Variants in CWC27 observed in about 807,000 individuals in gnomAD.
CWC27 encodes the protein spliceosome-associated protein CWC27 homolog.
In CWC27, 47 loss-of-function variants were observed where a neutral mutation model predicts 63.6. That is an observed-to-expected ratio of 0.74 (90% CI 0.58 to 0.94). The LOEUF (loss-of-function observed/expected upper bound fraction) is 0.94. Ranked by LOEUF, CWC27 falls within the 40% of genes least tolerant of loss-of-function variation. The pLI is 0.00. For synonymous variants in CWC27, 175 were observed against 179.8 expected (o/e 0.97, Z 0.22); for missense variants, 495 against 554.3 (o/e 0.89, Z 1.07).
At chr5:64,836,027 ATAAAG>A (rs1427016257) in intron 10 of CWC27, among the ~76,000 whole-genome samples, 1 of 151,902 alleles carries the variant, frequency 6.6e-6, no homozygotes, top group African/African-American at 2.4e-5. Flanking sequence ...TAATGAAGCA[ATAAAG>A]TAGTTTATAA....
At chr5:64,909,586 C>CATGTGAAAAGACT (rs1747741437) in intron 11 of CWC27, among the ~76,000 whole-genome samples, 1 of 152,160 alleles carries the variant, frequency 6.6e-6, no homozygotes, top group Non-Finnish European at 1.5e-5. Flanking sequence ...AAACGTACAG[C>CATGTGAAAAGACT]ATGGTCTTTT....
chr5:64,804,391 G>A lies in CWC27; in HGVS notation c.938+5G>A. On this transcript the variant is annotated splice_donor_5th_base_variant and intron_variant, in intron 10 of 13. Transcript: ENST00000381070. The stretch of plus-strand genomic sequence containing the variant: ...GAAGAAATCAGTCAGCCGCAGGTGA[G>A]TCAGTTACTGTGCTAGATATCAGAG... The A allele has an allele frequency of 6.2e-7, 1 of 1,606,550 alleles. No individual in the cohort carries two copies. The highest frequency in any genetic ancestry group is 8.5e-7 in the Non-Finnish European group (1 of 1,176,980).
In CWC27 at chr5:64,977,174, C is replaced by A; in HGVS notation, c.1192C>A (p.Gln398Lys). 1 of 1,612,556 alleles carries A rather than the reference C, an allele frequency of 6.2e-7. No individual in the cohort carries two copies. The highest frequency in any genetic ancestry group is 8.5e-7 in the Non-Finnish European group (1 of 1,179,138). Residue 398 changes from glutamine (Q) to lysine (K), a missense_variant, in exon 13 of 14, where the codon CAA becomes AAA. Gln to Lys is a moderately conservative substitution (Grantham distance 53, BLOSUM62 1). Coordinates refer to ENST00000381070, the MANE Select transcript of CWC27 (RefSeq NM_005869.4). The part of the protein sequence containing the change: ...LLNQFKSKLT[Q>K]AIAETPENDI... ...GAACCAGTTTAAATCTAAACTCACT[C>A]AAGCAATTGCTGAAACGCCTGAAAA... is the stretch of plus-strand genomic sequence containing the variant.
chr5:64,812,421 G>A (rs537055372), intron 10 of CWC27, among the ~76,000 whole-genome samples: 6 of 152,224 alleles, frequency 3.9e-5, no homozygotes, highest in African/African-American at 1.4e-4. Context: ...TTGGACTGAA[G>A]CAGACAGTAA....
At chr5:64,825,350 C>CTAGG (rs1426035160) in intron 10 of CWC27, among the ~76,000 whole-genome samples, 1 of 152,108 alleles carries the variant, frequency 6.6e-6, no homozygotes, top group East Asian at 1.9e-4. Context: ...AAGGGTGCAT[C>CTAGG]TAGGTCTCAA....
intron 13 of CWC27, among the ~76,000 whole-genome samples, chr5:65,004,892 A>G (rs1243549249): frequency 2.6e-5 from 2 of 77,496 alleles, no homozygotes; most frequent in Non-Finnish European, 5.3e-5. Flanking sequence ...ATATATATAT[A>G]TATATATATA....
intron 11 of CWC27, among the ~76,000 whole-genome samples, chr5:64,947,620 T>G (rs1010849916): frequency 6.6e-6 from 1 of 152,124 alleles, no homozygotes; most frequent in African/African-American, 2.4e-5. Flanking sequence ...TTAACAGAAT[T>G]GGATAAGCTT....
In CWC27 at chr5:64,971,784, C is replaced by A; in HGVS notation, c.1124C>A (p.Ser375Ter). ...QKYEALRKQQ[S>*]KKGTSREDQT... The stretch of plus-strand genomic sequence containing the variant: ...TATGAAGCTTTGAGGAAGCAACAGT[C>A]AAAGAAGGGAACTTCCCGGGAAGAT... Residue 375 changes from serine (S) to a stop codon, truncating the protein, a stop_gained, in exon 12 of 14, where the codon TCA (serine) becomes TAA (stop). Transcript: ENST00000381070. LOFTEE classifies it high-confidence loss of function. 1 of 1,610,816 alleles carries A rather than the reference C, an allele frequency of 6.2e-7. No homozygotes were observed. Among genetic ancestry groups the A allele is most frequent in the Non-Finnish European group, 8.5e-7 (1 of 1,178,660 alleles).
intron 13 of CWC27, among the ~76,000 whole-genome samples, chr5:65,008,744 G>A (rs993173650): frequency 6.6e-6 from 1 of 152,160 alleles, no homozygotes; most frequent in Non-Finnish European, 1.5e-5. Context: ...GTATATTGCT[G>A]AAGCTATGAA....
chr5:64,944,847 T>C (rs183038478), intron 11 of CWC27, among the ~76,000 whole-genome samples: 28 of 152,292 alleles, frequency 1.8e-4, no homozygotes, highest in African/African-American at 6.7e-4. Context: ...CTTAAAAATA[T>C]GGCAGATCTT....
At chr5:64,996,285 C>T (rs551941275) in intron 13 of CWC27, among the ~76,000 whole-genome samples, 17 of 152,122 alleles carry the variant, frequency 1.1e-4, no homozygotes, top group Non-Finnish European at 2.2e-4. Flanking sequence ...CCTCCAAAAA[C>T]ATATGTTAAT....
Position 64,786,556 on chromosome 5 carries a change from A to T in CWC27, c.528A>T (p.Pro176=). The T allele has an allele frequency of 6.3e-7, 1 of 1,589,528 alleles. No individual in the cohort carries two copies. The highest frequency in any genetic ancestry group is 1.8e-5 in the Admixed American group (1 of 55,018). Reference sequence around the variant, plus strand: ...TTAATCCTTTTGATGACATCATTCCAAGGGAAATTAAAAGGCTGAAAAAAG... The same window carrying T: ...TTAATCCTTTTGATGACATCATTCCTAGGGAAATTAAAAGGCTGAAAAAAG... ...VLFNPFDDII[P]REIKRLKKEK... is the part of the protein sequence containing the mutation. The change falls in exon 6 of 14, where the codon CCA becomes CCT. Residue 176 remains proline (P), a synonymous_variant. Coordinates refer to ENST00000381070, the MANE Select transcript of CWC27 (RefSeq NM_005869.4).
intron 11 of CWC27, among the ~76,000 whole-genome samples, chr5:64,961,817 T>C (rs1748916890): frequency 6.6e-6 from 1 of 152,202 alleles, no homozygotes; most frequent in South Asian, 2.1e-4. Context: ...AAAATAGGTT[T>C]ATTGATACTT....
At chr5:64,922,351 T>G (rs1315206980) in intron 11 of CWC27, among the ~76,000 whole-genome samples, 1 of 151,210 alleles carries the variant, frequency 6.6e-6, no homozygotes, top group Non-Finnish European at 1.5e-5. Flanking sequence ...TTTCTTTATT[T>G]TTGTCTGCCT....
intron 11 of CWC27, among the ~76,000 whole-genome samples, chr5:64,905,471 T>C (rs1436975331): frequency 6.6e-6 from 1 of 152,112 alleles, no homozygotes; most frequent in Non-Finnish European, 1.5e-5. Context: ...GGAGAAAGCG[T>C]CTGAACTTCT....
chr5:64,887,477 G>A (rs943452591), intron 11 of CWC27, among the ~76,000 whole-genome samples: 3 of 151,886 alleles, frequency 2.0e-5, no homozygotes, highest in Non-Finnish European at 2.9e-5. Context: ...AGTGATTCTC[G>A]TACCTCAGCC....
chr5:64,957,440 A>G (rs1748824412), intron 11 of CWC27, among the ~76,000 whole-genome samples: 1 of 152,158 alleles, frequency 6.6e-6, no homozygotes. Context: ...CTCTTGAGGT[A>G]CCTGGGGGGC....
chr5:64,919,949 T>C (rs1235904501), intron 11 of CWC27, among the ~76,000 whole-genome samples: 4 of 152,226 alleles, frequency 2.6e-5, no homozygotes, highest in African/African-American at 9.6e-5. Context: ...CTGGGTCAAA[T>C]TGTAGTTCTG....
chr5:64,784,031 T>C, intron 4 of CWC27, 52 bp downstream of exon 4: 4 of 1,427,422 alleles, frequency 2.8e-6, no homozygotes, highest in Non-Finnish European at 3.8e-6. Flanking sequence ...TTTTATGTTA[T>C]TCCTTAGACT....
Sources: allele counts gnomAD v4.1 joint callset (sites outside exome capture counted in the v4.1 genomes callset), GRCh38; gene constraint gnomAD v4.1.1; transcripts MANE v1.5; gene names NCBI Gene and HGNC (gene_info 2026-07-23, HGNC 2026-07-21).